The following TMEM184A variants were observed in gnomAD, a reference collection of about 807,000 sequenced individuals.
The protein encoded by TMEM184A is sexually dimorphic, expressed in male gonads 1.
TMEM184A carries 40 observed loss-of-function variants against 39.5 expected under a neutral mutation model. The ratio of observed to expected loss-of-function variants is 1.01; its 90% CI spans 0.79 to 1.32. The LOEUF (loss-of-function observed/expected upper bound fraction) is 1.32. Ranked by LOEUF, TMEM184A falls within the 40% of genes most tolerant of loss-of-function variation. The pLI is 0.00. For synonymous variants in TMEM184A, 280 were observed against 252.3 expected, an observed-to-expected ratio of 1.11 and a Z score of -1.04; for missense variants, 603 against 568.8, an observed-to-expected ratio of 1.06 and a Z score of -0.61.
intron 2 of TMEM184A, among the ~76,000 whole-genome samples, chr7:1,553,518 C>T (rs1784684272): frequency 6.6e-6 from 1 of 152,282 alleles, no homozygotes; most frequent in African/African-American, 2.4e-5. Flanking sequence ...GTCAGCCGAG[C>T]CTGGGAGCTG....
rs1359153132 is a variant in TMEM184A at position 1,543,206 on chromosome 7, T to G, written c.*3746A>C. 1 of 152,292 alleles carries G rather than the reference T, an allele frequency of 6.6e-6. No individual in the cohort carries two copies. The highest frequency in any genetic ancestry group is 1.5e-5 in the Non-Finnish European group (1 of 68,072). 9.4% of individuals were successfully genotyped at this position (152,292 alleles called of 1,614,324 possible). A position where few individuals can be genotyped will look rare whatever the true frequency, so the allele number is the denominator to read the frequency against. ...GACTGCTGGGCCGTGACCGTGAGGC[T>G]GGGACAGCCACGGGGGAGGTGCTGG... On this transcript the variant is annotated 3_prime_UTR_variant, in exon 9 of 9. Transcript: ENST00000297477.
chr7:1,551,091 G>A, intron 2 of TMEM184A, 109 bp from the exon 3 acceptor site: 2 of 1,317,804 alleles, frequency 1.5e-6, no homozygotes, highest in Non-Finnish European at 2.0e-6. Flanking sequence ...TTGGGTGAGA[G>A]CCAGGTCCAC....
chr7:1,549,119 A>C (rs115784763), intron 6 of TMEM184A: 1 of 468,744 alleles, frequency 2.1e-6, no homozygotes. Context: ...TCGTGTGCAC[A>C]CAGGTGGGGT....
Position 1,555,481 on chromosome 7 carries a change from T to G in TMEM184A, c.4A>C (p.Ser2Arg), listed in dbSNP as rs774447478. The G allele has an allele frequency of 8.1e-6, 13 of 1,603,810 alleles. No homozygotes were observed. Among genetic ancestry groups the G allele is most frequent in the Non-Finnish European group, 1.1e-5 (13 of 1,179,368 alleles). The change falls in exon 2 of 9, where the codon AGT (serine) becomes CGT (arginine). Residue 2 changes from serine to arginine, a missense_variant. Ser to Arg is a moderately radical substitution (Grantham distance 110, BLOSUM62 -1). Coordinates refer to ENST00000297477, the MANE Select transcript of TMEM184A (RefSeq NM_001097620.2). This position sits in a 1 kb window ranked among gnomAD's most constrained non-coding sequence, Gnocchi z 5.2. ...GTCTCCAGGATCCCTGAGACATTAC[T>G]CATCTGCAGAGGGAGGGAGGACACA... M[S>R]NVSGILETAG...
Position 1,550,370 on chromosome 7 carries a change from G to T in TMEM184A, c.411C>A (p.Ser137Arg). 1 of 1,612,670 alleles carries T rather than the reference G, an allele frequency of 6.2e-7. No homozygotes were observed. The highest frequency in any genetic ancestry group is 8.5e-7 in the Non-Finnish European group (1 of 1,179,694). The change falls in exon 4 of 9, where the codon AGC becomes AGA. Residue 137 changes from serine to arginine, a missense_variant. Physicochemically the swap from Ser to Arg is moderately radical, Grantham distance 110. Transcript: ENST00000297477. ...CGCCTCCCAGGTACTGGAAACACAG[G>T]CTCAGGAAGCTGTAAATGACAAAGG... Reference protein sequence around the residue: ...YEAFVIYSFLSLCFQYLGGEG... With the variant: ...YEAFVIYSFLRLCFQYLGGEG...
Position 1,547,072 on chromosome 7 carries a change from G to T in TMEM184A, c.1122C>A (p.Tyr374Ter). 1 of 1,610,088 alleles carries T rather than the reference G, an allele frequency of 6.2e-7. No individual in the cohort carries two copies. Among genetic ancestry groups the T allele is most frequent in the Non-Finnish European group, 8.5e-7 (1 of 1,179,654 alleles). ...GCGCCTCGTGCGTGGCCTGCTGCGT[G>T]TAGTGCTGGTAGGCGGGGGAGAAGT... Reference protein sequence around the residue: ...IHNFSPAYQHYTQQATHEAPR... With the variant: ...IHNFSPAYQH The change falls in exon 9 of 9, where the codon TAC (tyrosine) becomes TAA (stop). Residue 374 changes from tyrosine (Y) to a stop codon, truncating the protein, a stop_gained. Transcript: ENST00000297477. LOFTEE classifies it low-confidence loss of function (END_TRUNC).
At position 1,553,018 on chromosome 7, in the gene TMEM184A, G is replaced by A. The variant is rs369964397; in HGVS notation, c.220-2036C>T. ...TGCAGTGAGCACTGATTGTGCCACC[G>A]GACTGCAGCCTGGGTCACAGAGTGA... On this transcript the variant is annotated intron_variant, in intron 2 of 8. Transcript: ENST00000297477. Among the ~76,000 whole-genome samples the A allele has an allele frequency of 2.0e-4, 30 of 152,140 alleles. No homozygotes were observed. In the South Asian group the frequency reaches 4.2e-3, roughly 21 times the overall value.
intron 6 of TMEM184A, chr7:1,549,384 GCC>G: frequency 3.9e-6 from 1 of 256,558 alleles, no homozygotes; most frequent in East Asian, 1.1e-4. Flanking sequence ...CTGGGTGGCT[GCC>G]TGTCTGTTCA....
At chr7:1,547,659 C>A in intron 8 of TMEM184A, 83 bp downstream of exon 8, 1 of 1,422,556 alleles carries the variant, frequency 7.0e-7, no homozygotes, top group Non-Finnish European at 9.7e-7. Context: ...CATTCCTGGG[C>A]CTCGAGAATG....
rs949081294 is a variant in TMEM184A at position 1,555,285 on chromosome 7, A to G, written c.200T>C (p.Leu67Pro). 2 of 1,606,146 alleles carry G rather than the reference A, an allele frequency of 1.2e-6. No individual in the cohort carries two copies. Among genetic ancestry groups the G allele is most frequent in the Non-Finnish European group, 1.7e-6 (2 of 1,176,560 alleles). Reference sequence around the variant, plus strand: ...GCTTACCTGGTGGCAGGTGAGCACCAGGGCAGTCCACACGAAGATCCCCGA... The same window carrying G: ...GCTTACCTGGTGGCAGGTGAGCACCGGGGCAGTCCACACGAAGATCCCCGA... Reference protein sequence around the residue: ...GVSGIFVWTALVLTCHQIYLH... With the variant: ...GVSGIFVWTAPVLTCHQIYLH... The change falls in exon 2 of 9, where the codon CTG becomes CCG. Residue 67 changes from leucine to proline, a missense_variant. Physicochemically the swap from Leu to Pro is moderately conservative, Grantham distance 98. Transcript: ENST00000297477. This position sits in a 1 kb window ranked among gnomAD's most constrained non-coding sequence, Gnocchi z 5.2.
In TMEM184A at chr7:1,555,064, C is replaced by T. The variant is rs745805762; in HGVS notation, c.219+202G>A. 2.6e-5 allele frequency among the ~76,000 whole-genome samples: 4 copies of T among 152,020 alleles called. No homozygotes were observed. The highest frequency in any genetic ancestry group is 4.4e-5 in the Non-Finnish European group (3 of 67,984). On this transcript the variant is annotated intron_variant, in intron 2 of 8. Transcript: ENST00000297477. This position sits in a 1 kb window ranked among gnomAD's most constrained non-coding sequence, Gnocchi z 5.2. The stretch of plus-strand genomic sequence containing the variant: ...GGGTGCCCGGTGGGCGCTCTGCCCT[C>T]AGCCTGGCAGAGATCTCCCCATTTT...
At position 1,548,508 on chromosome 7, in the gene TMEM184A, GC is replaced by G; in HGVS notation, c.814+10del. 1 of 1,608,224 alleles carries G rather than the reference GC, an allele frequency of 6.2e-7. No homozygotes were observed. Among genetic ancestry groups the G allele is most frequent in the East Asian group, 2.2e-5 (1 of 44,838 alleles). On this transcript the variant is annotated intron_variant, in intron 7 of 8. Coordinates refer to ENST00000297477, the MANE Select transcript of TMEM184A (RefSeq NM_001097620.2). ...CCTCGGTAGCACCCCTGCCCCACCT[GC>G]CCCACACACCTTGCCAGAACGACAG...
chr7:1,551,377 C>T (rs1375913521), intron 2 of TMEM184A, among the ~76,000 whole-genome samples: 2 of 138,362 alleles, frequency 1.4e-5, no homozygotes, highest in African/African-American at 5.3e-5. Flanking sequence ...GGGTGAGAGC[C>T]GGGTCCGCCT....
At chr7:1,550,048 G>A in intron 5 of TMEM184A, 75 bp downstream of exon 5, 2 of 1,584,508 alleles carry the variant, frequency 1.3e-6, no homozygotes, top group South Asian at 2.2e-5. Context: ...CACTGGGTGG[G>A]GTGGCGCTGG....
chr7:1,544,357 A>T lies in TMEM184A; in HGVS notation c.*2595T>A, dbSNP rs1273556953. ...CCACCGTTTCTTGTGGATGCTGGGG[A>T]TTTTCAGCTGGACCATCTCCCAGAG... On this transcript the variant is annotated 3_prime_UTR_variant, in exon 9 of 9. Transcript: ENST00000297477. 6.6e-6 allele frequency: 1 copy of T among 152,108 alleles called. No homozygotes were observed. The highest frequency in any genetic ancestry group is 1.5e-5 in the Non-Finnish European group (1 of 68,056). 9.4% of individuals were successfully genotyped at this position (152,108 alleles called of 1,614,324 possible). A position where few individuals can be genotyped will look rare whatever the true frequency, so the allele number is the denominator to read the frequency against.
intron 8 of TMEM184A, 133 bp from the exon 9 acceptor site, chr7:1,547,314 C>T (rs1467645138): frequency 7.9e-6 from 5 of 634,952 alleles, no homozygotes; most frequent in Non-Finnish European, 1.4e-5. Context: ...AGGGTGGCCC[C>T]AGACCCCTGG....
chr7:1,555,569 G>GAGAC lies in TMEM184A; in HGVS notation c.1-89_1-86dup. 1.0e-6 allele frequency: 1 copy of GAGAC among 1,001,068 alleles called. No individual in the cohort carries two copies. The highest frequency in any genetic ancestry group is 2.4e-5 in the East Asian group (1 of 40,934). 62.0% of individuals were successfully genotyped at this position (1,001,068 alleles called of 1,614,324 possible). ...CAGCAGGAAGCAGCGGGGGAGGGAGGAGACAGTGAGACGGGAGCTGAGGCT... is the reference window on the plus strand; with the variant it reads ...CAGCAGGAAGCAGCGGGGGAGGGAGGAGACAGACAGTGAGACGGGAGCTGAGGCT... On this transcript the variant is annotated intron_variant, in intron 1 of 8. Coordinates refer to ENST00000297477, the MANE Select transcript of TMEM184A (RefSeq NM_001097620.2). The surrounding 1 kb of genome is among the most constrained non-coding windows in gnomAD (Gnocchi z 5.2).
chr7:1,555,822 C>A lies in TMEM184A; in HGVS notation c.-1+292G>T, dbSNP rs367639415. ...TTCCAGTGGGGCAGAAGAGGGGGAA[C>A]CCCTGCCGCCCTGCCTGCCCGGGAG... On this transcript the variant is annotated intron_variant, in intron 1 of 8. Transcript: ENST00000297477. This position sits in a 1 kb window ranked among gnomAD's most constrained non-coding sequence, Gnocchi z 5.2. The A allele has an allele frequency of 1.1e-5, 4 of 352,498 alleles. No homozygotes were observed. Among genetic ancestry groups the A allele is most frequent in the Non-Finnish European group, 1.6e-5 (3 of 190,230 alleles). The allele number at this position is 352,498 out of a possible 1,614,324, so 21.8% of individuals were successfully genotyped here. A position where few individuals can be genotyped will look rare whatever the true frequency, so the allele number is the denominator to read the frequency against.
In TMEM184A at chr7:1,555,351, GC is replaced by G; in HGVS notation, c.133del (p.Ala45ProfsTer92). 6.2e-7 allele frequency: 1 copy of G among 1,610,520 alleles called. No individual in the cohort carries two copies. The highest frequency in any genetic ancestry group is 1.7e-5 in the Admixed American group (1 of 59,580). On this transcript the variant is annotated frameshift_variant, in exon 2 of 9. Transcript: ENST00000297477. LOFTEE classifies it high-confidence loss of function. This position sits in a 1 kb window ranked among gnomAD's most constrained non-coding sequence, Gnocchi z 5.2. ...MDHMGNSSQG[A>X]PWLFLTSALA... ...TGCGGAGGTGAGGAAGAGCCAGGGG[GC>G]CCCCTGGGAGCTGTTCCCCATGTGG...
Sources: allele counts gnomAD v4.1 joint callset (sites outside exome capture counted in the v4.1 genomes callset), GRCh38; gene constraint gnomAD v4.1.1; non-coding constraint Gnocchi (gnomAD v3.1); transcripts MANE v1.5; gene names NCBI Gene and HGNC (gene_info 2026-07-23, HGNC 2026-07-21).